Variants in PDRG1 observed in about 807,000 individuals in gnomAD.
PDRG1 encodes the protein p53 and DNA damage regulated 1.
PDRG1 carries 14 observed loss-of-function variants against 18.4 expected under a neutral mutation model. That is an observed-to-expected ratio of 0.76 (90% CI 0.50 to 1.19). The LOEUF is 1.19. PDRG1 is among the 50% of genes most tolerant of loss of function. The pLI, the probability that PDRG1 is intolerant of heterozygous loss-of-function variation, is 0.00. For synonymous variants in PDRG1, 65 were observed against 60.9 expected (o/e 1.07, Z -0.31); for missense variants, 177 against 160.1 (o/e 1.11, Z -0.57).
At position 31,947,087 on chromosome 20, in the gene PDRG1, A is replaced by C. The variant is rs146043003; in HGVS notation, c.239-511T>G. ...ATGCTCAAGCTTAACTTAATTAGCC[A>C]CTGTGAACAGAAAAGGGTCTTCTAG... On this transcript the variant is annotated intron_variant, in intron 3 of 4. Transcript: ENST00000202017. 1.8e-4 allele frequency among the ~76,000 whole-genome samples: 27 copies of C among 152,358 alleles called. 1 individual carries two copies. The highest frequency in any genetic ancestry group is 6.5e-4 in the African/African-American group (27 of 41,588).
In PDRG1 at chr20:31,945,241, G is replaced by A. The variant is rs1282315275; in HGVS notation, c.*566C>T. The A allele has an allele frequency of 6.5e-6, 1 of 152,964 alleles. No individual in the cohort carries two copies. Among genetic ancestry groups the A allele is most frequent in the African/African-American group, 2.4e-5 (1 of 41,464 alleles). The allele number at this position is 152,964 out of a possible 1,614,324, so 9.5% of individuals were successfully genotyped here. ...CAGCACCTACTCTTGGAATCAAGCA[G>A]GGAAAAAGTGCAAAATTGGAGCTGG... On this transcript the variant is annotated 3_prime_UTR_variant, in exon 5 of 5. Transcript: ENST00000202017.
intron 1 of PDRG1, among the ~76,000 whole-genome samples, 175 bp downstream of exon 1, chr20:31,951,696 GAAGA>G (rs2064353449): frequency 6.6e-6 from 1 of 152,250 alleles, no homozygotes; most frequent in Non-Finnish European, 1.5e-5. Flanking sequence ...GAGAAAGGAT[GAAGA>G]GAGAGGAATG....
intron 3 of PDRG1, 92 bp from the exon 4 acceptor site, chr20:31,946,668 C>A: frequency 8.7e-7 from 1 of 1,151,758 alleles, no homozygotes; most frequent in Non-Finnish European, 1.3e-6. Context: ...CCAGCAAGGG[C>A]GTGTAGCTTT....
intron 3 of PDRG1, among the ~76,000 whole-genome samples, chr20:31,947,958 T>C (rs1350485686): frequency 1.3e-5 from 2 of 152,184 alleles, no homozygotes; most frequent in South Asian, 2.1e-4. Context: ...TGAGGCAACC[T>C]TGCTTGTCCT....
chr20:31,948,539 C>A (rs2064332598), intron 3 of PDRG1, among the ~76,000 whole-genome samples: 1 of 152,242 alleles, frequency 6.6e-6, no homozygotes, highest in Non-Finnish European at 1.5e-5. Context: ...TGCAGCCCAA[C>A]TGATTCCTCA....
chr20:31,947,005 G>A (rs1340272920), intron 3 of PDRG1, among the ~76,000 whole-genome samples: 2 of 152,136 alleles, frequency 1.3e-5, no homozygotes, highest in Admixed American at 6.5e-5. Flanking sequence ...AAGGTGAGGG[G>A]GTTTTAGAAA....
Position 31,944,460 on chromosome 20 carries a change from G to A in PDRG1, c.*1347C>T, listed in dbSNP as rs533189360. The A allele has an allele frequency of 9.2e-4, 140 of 152,794 alleles. 1 individual carries two copies. The highest frequency in any genetic ancestry group is 3.4e-3 in the Middle Eastern group (1 of 294). The allele number at this position is 152,794 out of a possible 1,614,324, so 9.5% of individuals were successfully genotyped here. On this transcript the variant is annotated 3_prime_UTR_variant, in exon 5 of 5. Coordinates refer to ENST00000202017, the MANE Select transcript of PDRG1 (RefSeq NM_030815.3). ...ACATCTCCTTCCCTCCCACCTGTGC[G>A]CCCCAACCCTGCAGGTGCTGTTCTG... is the stretch of plus-strand genomic sequence containing the variant.
chr20:31,950,514 T>C (rs1281690352), intron 1 of PDRG1, 127 bp from the exon 2 acceptor site: 9 of 696,116 alleles, frequency 1.3e-5, no homozygotes, highest in African/African-American at 3.6e-5. Context: ...CTAAAATGGA[T>C]TGATGTGTGA....
Position 31,951,992 on chromosome 20 carries a change from C to T in PDRG1, c.-31G>A, listed in dbSNP as rs373016864. On this transcript the variant is annotated 5_prime_UTR_variant, in exon 1 of 5. Coordinates refer to ENST00000202017, the MANE Select transcript of PDRG1 (RefSeq NM_030815.3). Reference sequence around the variant, plus strand: ...CCACCAACTCCGCTTGCGGCTCTCGCGCGACCCCGGGATCTCCGCTTCGAC... The same window carrying T: ...CCACCAACTCCGCTTGCGGCTCTCGTGCGACCCCGGGATCTCCGCTTCGAC... 19 of 1,516,756 alleles carry T rather than the reference C, an allele frequency of 1.3e-5. No homozygotes were observed. The African/African-American group carries it at 1.6e-4, about 13-fold the overall frequency. The allele number at this position is 1,516,756 out of a possible 1,614,324, so 94.0% of individuals were successfully genotyped here.
At chr20:31,950,481 C>G (rs1192299299) in intron 1 of PDRG1, 94 bp from the exon 2 acceptor site, 3 of 899,804 alleles carry the variant, frequency 3.3e-6, no homozygotes, top group Non-Finnish European at 5.5e-6. Flanking sequence ...ATGCATTATT[C>G]CTGATTACAT....
Position 31,945,714 on chromosome 20 carries a change from G to A in PDRG1, c.*93C>T. 9.9e-7 allele frequency: 1 copy of A among 1,012,486 alleles called. No individual in the cohort carries two copies. The allele number at this position is 1,012,486 out of a possible 1,614,324, so 62.7% of individuals were successfully genotyped here. ...TTCCTGACGGCTGGCCCCTTACAGG[G>A]CAGATCCTGTCCTTACAGGTGTCAA... On this transcript the variant is annotated 3_prime_UTR_variant, in exon 5 of 5. Coordinates refer to ENST00000202017, the MANE Select transcript of PDRG1 (RefSeq NM_030815.3).
intron 3 of PDRG1, among the ~76,000 whole-genome samples, chr20:31,946,836 C>T (rs2064322443): frequency 1.3e-5 from 2 of 152,178 alleles, no homozygotes; most frequent in African/African-American, 4.8e-5. Context: ...TTGGGGTGGT[C>T]AGTGGATGGA....
intron 1 of PDRG1, among the ~76,000 whole-genome samples, chr20:31,950,778 C>T (rs1426618550): frequency 6.6e-6 from 1 of 152,056 alleles, no homozygotes; most frequent in African/African-American, 2.4e-5. Context: ...ATATGAGAAA[C>T]CCAACAATAC....
intron 3 of PDRG1, among the ~76,000 whole-genome samples, chr20:31,947,676 T>G (rs1328412642): frequency 6.6e-6 from 1 of 152,174 alleles, no homozygotes; most frequent in Non-Finnish European, 1.5e-5. Context: ...GTGGATCACC[T>G]GAGGTCACTT....
rs2123671778 is a variant in PDRG1, at chr20:31,944,481, T to C, written c.*1326A>G. ...GTGCGCCCCAACCCTGCAGGTGCTG[T>C]TCTGAGGGAATCACACTGTGCTTGC... On this transcript the variant is annotated 3_prime_UTR_variant, in exon 5 of 5. Coordinates refer to ENST00000202017, the MANE Select transcript of PDRG1 (RefSeq NM_030815.3). 1 of 152,890 alleles carries C rather than the reference T, an allele frequency of 6.5e-6. No homozygotes were observed. The highest frequency in any genetic ancestry group is 1.9e-4 in the East Asian group (1 of 5,200). The allele number at this position is 152,890 out of a possible 1,614,324, so 9.5% of individuals were successfully genotyped here. A position where few individuals can be genotyped will look rare whatever the true frequency, so the allele number is the denominator to read the frequency against.
intron 3 of PDRG1, among the ~76,000 whole-genome samples, chr20:31,947,347 C>T (rs1358488829): frequency 6.6e-6 from 1 of 152,200 alleles, no homozygotes; most frequent in Non-Finnish European, 1.5e-5. Context: ...TGTCCATGAG[C>T]TTGTTTAGCC....
chr20:31,945,502 C>T lies in PDRG1; in HGVS notation c.*305G>A, dbSNP rs1478216335. On this transcript the variant is annotated 3_prime_UTR_variant, in exon 5 of 5. Transcript: ENST00000202017. ...AACAGCAGGCCATTGTTGGGAAGTGCCTGTTGCAGTCATTCTTACACCCCC... is the reference window on the plus strand; with the variant it reads ...AACAGCAGGCCATTGTTGGGAAGTGTCTGTTGCAGTCATTCTTACACCCCC... 1.1e-5 allele frequency: 3 copies of T among 270,276 alleles called. No individual in the cohort carries two copies. The highest frequency in any genetic ancestry group is 7.8e-5 in the East Asian group (1 of 12,750). 16.7% of individuals were successfully genotyped at this position (270,276 alleles called of 1,614,324 possible).
intron 3 of PDRG1, among the ~76,000 whole-genome samples, 194 bp downstream of exon 3, chr20:31,948,614 C>G (rs1462778307): frequency 6.6e-6 from 1 of 152,214 alleles, no homozygotes; most frequent in Non-Finnish European, 1.5e-5. Flanking sequence ...CTATGCTACA[C>G]AGATGCATCC....
Position 31,945,595 on chromosome 20 carries a change from C to T in PDRG1, c.*212G>A. 1 of 496,762 alleles carries T rather than the reference C, an allele frequency of 2.0e-6. No individual in the cohort carries two copies. The allele number at this position is 496,762 out of a possible 1,614,324, so 30.8% of individuals were successfully genotyped here. A position where few individuals can be genotyped will look rare whatever the true frequency, so the allele number is the denominator to read the frequency against. Reference sequence around the variant, plus strand: ...GTCAATAGATCTTGTGTCCACCGAGCCCTGGTGTCCAGGTCCAGCAGCCAG... The same window carrying T: ...GTCAATAGATCTTGTGTCCACCGAGTCCTGGTGTCCAGGTCCAGCAGCCAG... On this transcript the variant is annotated 3_prime_UTR_variant, in exon 5 of 5. Transcript: ENST00000202017.
Sources: gnomAD v4.1 joint callset for allele counts (sites outside exome capture counted in the v4.1 genomes callset) on GRCh38, gnomAD v4.1.1 for gene constraint, MANE v1.5 for transcripts, NCBI Gene and HGNC (gene_info 2026-07-23, HGNC 2026-07-21) for gene names.